CCSER1: variants seen among roughly 807,000 people sequenced by gnomAD.
CCSER1 encodes serine-rich coiled-coil domain-containing protein 1.
Under a neutral mutation model 82.0 loss-of-function variants are expected in CCSER1, and 41 were observed. The observed-to-expected ratio is 0.50, with a 90% CI of 0.39 to 0.65. The LOEUF is 0.65. Among genes scored for constraint, CCSER1 ranks in the 30% least tolerant of loss-of-function variants. CCSER1 has a pLI of 0.00. For missense variants in CCSER1, 1,119 were observed against 1,064.2 expected (o/e 1.05, Z -0.72); for synonymous variants, 414 against 383.9 (o/e 1.08, Z -0.92).
chr4:90,552,557 A>G (rs1777645975), intron 5 of CCSER1, among the ~76,000 whole-genome samples: 1 of 152,096 alleles, frequency 6.6e-6, no homozygotes, highest in South Asian at 2.1e-4. Flanking sequence ...TCCCGGGCTC[A>G]AGCGATTCTC....
At chr4:90,156,474 G>A (rs938471912) in intron 1 of CCSER1, among the ~76,000 whole-genome samples, 12 of 152,162 alleles carry the variant, frequency 7.9e-5, no homozygotes, top group South Asian at 2.1e-4. Context: ...ACAGTGGGGC[G>A]TTAAAGTCTC....
intron 6 of CCSER1, among the ~76,000 whole-genome samples, chr4:90,699,102 AAAC>A (rs969709532): frequency 3.9e-5 from 6 of 152,238 alleles, no homozygotes; most frequent in East Asian, 1.9e-4. Context: ...CCCTATCTCA[AAAC>A]AACAACAATA....
intron 6 of CCSER1, among the ~76,000 whole-genome samples, chr4:90,707,538 AATAT>A (rs1553992151): frequency 0.027 from 3,776 of 138,066 alleles, 155 homozygotes; most frequent in African/African-American, 0.093. Context: ...TTAAAAAAAA[AATAT>A]ATATATATAT....
intron 10 of CCSER1, among the ~76,000 whole-genome samples, chr4:91,518,364 C>A (rs531575986): frequency 2.6e-5 from 4 of 152,218 alleles, no homozygotes; most frequent in African/African-American, 9.6e-5. Context: ...TGGGTGGGAC[C>A]CATGGGAGAC....
chr4:90,737,175 T>C (rs1327640127), intron 7 of CCSER1, among the ~76,000 whole-genome samples: 1 of 152,188 alleles, frequency 6.6e-6, no homozygotes, highest in Non-Finnish European at 1.5e-5. Flanking sequence ...TAATATTCTG[T>C]GGTTTTCTGT....
At chr4:90,761,088 T>G (rs1750344072) in intron 7 of CCSER1, among the ~76,000 whole-genome samples, 1 of 152,100 alleles carries the variant, frequency 6.6e-6, no homozygotes, top group Non-Finnish European at 1.5e-5. Context: ...AAAATTAAAT[T>G]AAAATGCCAC....
At chr4:90,782,681 C>CTTTTT (rs200701722) in intron 7 of CCSER1, among the ~76,000 whole-genome samples, 4,612 of 122,974 alleles carry the variant, frequency 0.038, 233 homozygotes, top group East Asian at 0.056. Flanking sequence ...TCTTTTCTTT[C>CTTTTT]TTTCTTTTTT....
At chr4:90,397,217 G>GA (rs1752078544) in intron 3 of CCSER1, among the ~76,000 whole-genome samples, 1 of 152,074 alleles carries the variant, frequency 6.6e-6, no homozygotes, top group Non-Finnish European at 1.5e-5. Context: ...GTGGCAAATG[G>GA]AACCCTGCTA....
At chr4:90,821,464 A>T (rs1327566749) in intron 8 of CCSER1, among the ~76,000 whole-genome samples, 5 of 152,184 alleles carry the variant, frequency 3.3e-5, no homozygotes, top group African/African-American at 1.2e-4. Flanking sequence ...AAATGTTTGG[A>T]TAAATAGTTT....
chr4:90,273,662 T>G (rs1727014848), intron 1 of CCSER1, among the ~76,000 whole-genome samples: 1 of 152,090 alleles, frequency 6.6e-6, no homozygotes. Context: ...CTCGAACATA[T>G]AAAACTTTGC....
In CCSER1 at chr4:91,160,735, A is replaced by ATGT. The variant is rs142047956; in HGVS notation, c.2217+74761_2217+74763dup. On this transcript the variant is annotated intron_variant, in intron 10 of 10. Coordinates refer to ENST00000509176, the MANE Select transcript of CCSER1 (RefSeq NM_001145065.2). ...GTACATATCCTTTGCCCACTTTTTG[A>ATGT]TGTTGTTGTTGTTGTTGTTGTTTTT... Among the ~76,000 whole-genome samples the ATGT allele has an allele frequency of 4.5e-3, 689 of 151,780 alleles. 7 individuals carry two copies. The highest frequency in any genetic ancestry group is 0.015 in the African/African-American group (623 of 41,334).
chr4:91,182,652 G>A (rs1351204023), intron 10 of CCSER1, among the ~76,000 whole-genome samples: 1 of 152,120 alleles, frequency 6.6e-6, no homozygotes, highest in Non-Finnish European at 1.5e-5. Context: ...TATAGCCTGG[G>A]GCATTATCTG....
intron 10 of CCSER1, among the ~76,000 whole-genome samples, chr4:91,594,391 A>G (rs1320516094): frequency 7.2e-6 from 1 of 139,366 alleles, no homozygotes; most frequent in African/African-American, 2.7e-5. Context: ...ACACATATAT[A>G]CATATATACA....
intron 7 of CCSER1, among the ~76,000 whole-genome samples, chr4:90,728,553 G>A (rs752430099): frequency 6.6e-6 from 1 of 152,198 alleles, no homozygotes; most frequent in Non-Finnish European, 1.5e-5. Context: ...TTTTTTTGTA[G>A]GCTGGGTGTA....
chr4:91,348,125 T>C (rs1202481020), intron 10 of CCSER1, among the ~76,000 whole-genome samples: 3 of 152,164 alleles, frequency 2.0e-5, no homozygotes, highest in Non-Finnish European at 4.4e-5. Flanking sequence ...TATAGATTTT[T>C]TATCAAATTG....
chr4:90,149,620 G>A (rs532771017), intron 1 of CCSER1, among the ~76,000 whole-genome samples: 4 of 152,050 alleles, frequency 2.6e-5, no homozygotes, highest in Non-Finnish European at 4.4e-5. Context: ...ATAAACTTAC[G>A]AATATCTTTG....
chr4:91,078,539 G>C (rs994832003), intron 9 of CCSER1, among the ~76,000 whole-genome samples: 1 of 152,242 alleles, frequency 6.6e-6, no homozygotes, highest in Non-Finnish European at 1.5e-5. Context: ...AAGGAACGCA[G>C]CTCCTCGCCA....
intron 1 of CCSER1, among the ~76,000 whole-genome samples, chr4:90,305,396 A>G (rs1400947768): frequency 6.6e-6 from 1 of 152,208 alleles, no homozygotes; most frequent in Non-Finnish European, 1.5e-5. Flanking sequence ...TTCTAATTAG[A>G]GCAAAATTCT....
At chr4:91,443,040 T>C (rs1198905075) in intron 10 of CCSER1, among the ~76,000 whole-genome samples, 1 of 152,042 alleles carries the variant, frequency 6.6e-6, no homozygotes, top group Non-Finnish European at 1.5e-5. Flanking sequence ...GTAAACTATT[T>C]CAACCATTGT....
Sources: allele counts gnomAD v4.1 joint callset (sites outside exome capture counted in the v4.1 genomes callset), GRCh38; gene constraint gnomAD v4.1.1; transcripts MANE v1.5; gene names NCBI Gene and HGNC (gene_info 2026-07-23, HGNC 2026-07-21).